The following CFAP97 variants were observed in gnomAD, a reference collection of about 807,000 sequenced individuals.
CFAP97 encodes the protein cilia- and flagella-associated protein 97.
A neutral mutation model predicts 43.1 loss-of-function variants in CFAP97; 36 were observed. The ratio of observed to expected loss-of-function variants is 0.84; its 90% CI spans 0.64 to 1.10. The LOEUF is 1.10. CFAP97 is among the 50% of genes least tolerant of loss of function. The pLI is 0.00. For synonymous variants in CFAP97, 228 were observed against 225.7 expected (o/e 1.01, Z -0.09); for missense variants, 657 against 620.3 (o/e 1.06, Z -0.63).
intron 4 of CFAP97, among the ~76,000 whole-genome samples, chr4:185,163,153 A>G (rs1734933221): frequency 1.3e-5 from 2 of 152,188 alleles, no homozygotes; most frequent in African/African-American, 4.8e-5. Flanking sequence ...AAACATTTTT[A>G]AAAGCTTCTC....
rs1734851109 is a variant in CFAP97, at chr4:185,160,882, A to C, written c.*1916T>G. Reference sequence around the variant, plus strand: ...TCTTTTTTAAAAGATTTTTAAAATAAAATTTATAAAAAAGATTTTTTATAT... The same window carrying C: ...TCTTTTTTAAAAGATTTTTAAAATACAATTTATAAAAAAGATTTTTTATAT... On this transcript the variant is annotated 3_prime_UTR_variant, in exon 5 of 5. Transcript: ENST00000458385. 1 of 146,998 alleles carries C rather than the reference A, an allele frequency of 6.8e-6. No individual in the cohort carries two copies. Among genetic ancestry groups the C allele is most frequent in the Non-Finnish European group, 1.5e-5 (1 of 66,530 alleles). 9.1% of individuals were successfully genotyped at this position (146,998 alleles called of 1,614,324 possible).
intron 1 of CFAP97, among the ~76,000 whole-genome samples, chr4:185,202,558 C>G (rs563001915): frequency 6.8e-6 from 1 of 147,258 alleles, no homozygotes; most frequent in Admixed American, 6.8e-5. Flanking sequence ...AAAAAACAAA[C>G]AAACAAAAAA....
rs78880987 is a variant in CFAP97 at position 185,179,445 on chromosome 4, T to C, written c.1055-3394A>G. The stretch of plus-strand genomic sequence containing the variant: ...AACCAATAGAGCATGAAAGAAATGA[T>C]GCTATGTGACTTTTGAGGCTAGGTC... On this transcript the variant is annotated intron_variant, in intron 2 of 4. Coordinates refer to ENST00000458385, the MANE Select transcript of CFAP97 (RefSeq NM_020827.3). 3.2e-3 allele frequency among the ~76,000 whole-genome samples: 494 copies of C among 152,304 alleles called. 3 individuals are homozygous for C. Among genetic ancestry groups the C allele is most frequent in the African/African-American group, 0.012 (483 of 41,550 alleles).
At chr4:185,166,083 A>G (rs2111316363) in intron 3 of CFAP97, among the ~76,000 whole-genome samples, 1 of 152,142 alleles carries the variant, frequency 6.6e-6, no homozygotes, top group South Asian at 2.1e-4. Flanking sequence ...GCCCCTTCCT[A>G]ATTTTTGGCC....
chr4:185,166,258 T>C (rs74769949), intron 3 of CFAP97, among the ~76,000 whole-genome samples: 3,968 of 152,282 alleles, frequency 0.026, 147 homozygotes, highest in African/African-American at 0.09. Context: ...AGCAGTGTGA[T>C]GTAGGTGTCC....
At chr4:185,210,247 C>A, upstream of CFAP97, 3 of 984,952 alleles carry the variant, frequency 3.0e-6, no homozygotes, top group Non-Finnish European at 3.6e-6. The surrounding 1 kb of genome is among the most constrained non-coding windows in gnomAD (Gnocchi z 4.4). Context: ...CGCCCGCCGC[C>A]CGCCGGGGGT....
At chr4:185,172,570 G>A (rs1328889258) in intron 3 of CFAP97, among the ~76,000 whole-genome samples, 1 of 152,122 alleles carries the variant, frequency 6.6e-6, no homozygotes, top group African/African-American at 2.4e-5. Context: ...TGGAGAGAGA[G>A]CAAATGAAAG....
intron 1 of CFAP97, among the ~76,000 whole-genome samples, chr4:185,198,165 G>A (rs781408748): frequency 2.0e-5 from 3 of 152,154 alleles, no homozygotes; most frequent in South Asian, 2.1e-4. Flanking sequence ...CTGCTCAGCC[G>A]GGTGTGGTGG....
At chr4:185,173,289 G>A (rs1735381792) in intron 3 of CFAP97, among the ~76,000 whole-genome samples, 1 of 151,646 alleles carries the variant, frequency 6.6e-6, no homozygotes, top group South Asian at 2.1e-4. Context: ...CTTGAACCTG[G>A]GAGGCAGAGG....
chr4:185,176,580 A>ATTT (rs1735552946), intron 2 of CFAP97, among the ~76,000 whole-genome samples: 1 of 152,246 alleles, frequency 6.6e-6, no homozygotes, highest in Admixed American at 6.5e-5. Flanking sequence ...ACACGAAACA[A>ATTT]TGAAAGTATC....
At position 185,190,797 on chromosome 4, in the gene CFAP97, CT is replaced by C; in HGVS notation, c.399del (p.Asp134MetfsTer14). ...IVKEGEDDYY[T>X]DGEESSDDGK... ...CCATCATCACTGCTTTCCTCTCCAT[CT>C]GTGTAGTAATCATCTTCACCTTCTT... On this transcript the variant is annotated frameshift_variant, in exon 2 of 5. Transcript: ENST00000458385. LOFTEE classifies it high-confidence loss of function. The C allele has an allele frequency of 6.2e-7, 1 of 1,607,140 alleles. No homozygotes were observed. Among genetic ancestry groups the C allele is most frequent in the Non-Finnish European group, 8.5e-7 (1 of 1,176,164 alleles).
Position 185,160,428 on chromosome 4 carries a change from T to C in CFAP97, c.*2370A>G, listed in dbSNP as rs1278282228. Reference sequence around the variant, plus strand: ...CCTTTACTTTTTCATGTCCTTGAAATGAGAAGAGTAATGTACTTAAGTAAT... The same window carrying C: ...CCTTTACTTTTTCATGTCCTTGAAACGAGAAGAGTAATGTACTTAAGTAAT... On this transcript the variant is annotated 3_prime_UTR_variant, in exon 5 of 5. Coordinates refer to ENST00000458385, the MANE Select transcript of CFAP97 (RefSeq NM_020827.3). 6.8e-6 allele frequency: 1 copy of C among 147,224 alleles called. No homozygotes were observed. The highest frequency in any genetic ancestry group is 1.5e-5 in the Non-Finnish European group (1 of 66,706). 9.1% of individuals were successfully genotyped at this position (147,224 alleles called of 1,614,324 possible). A position where few individuals can be genotyped will look rare whatever the true frequency, so the allele number is the denominator to read the frequency against.
At position 185,162,025 on chromosome 4, in the gene CFAP97, T is replaced by C. The variant is rs1181858729; in HGVS notation, c.*773A>G. The C allele has an allele frequency of 1.3e-5, 2 of 152,252 alleles. No homozygotes were observed. The highest frequency in any genetic ancestry group is 4.8e-5 in the African/African-American group (2 of 41,468). The allele number at this position is 152,252 out of a possible 1,614,324, so 9.4% of individuals were successfully genotyped here. On this transcript the variant is annotated 3_prime_UTR_variant, in exon 5 of 5. Coordinates refer to ENST00000458385, the MANE Select transcript of CFAP97 (RefSeq NM_020827.3). ...TTTGCAACTGATGTGGTCCTTAAAC[T>C]ATTCACGAGTTAGAAGACTAGCTCT...
At chr4:185,184,237 C>T (rs554879008) in intron 2 of CFAP97, among the ~76,000 whole-genome samples, 50 of 152,254 alleles carry the variant, frequency 3.3e-4, no homozygotes, top group African/African-American at 1.1e-3. Flanking sequence ...CTGGGTTAAC[C>T]GTATGCATAC....
intron 1 of CFAP97, among the ~76,000 whole-genome samples, chr4:185,199,153 A>G (rs1736700796): frequency 6.6e-6 from 1 of 152,086 alleles, no homozygotes; most frequent in Admixed American, 6.6e-5. Flanking sequence ...CGGGCGGATC[A>G]CTTGAGGCCA....
upstream of CFAP97, chr4:185,207,759 T>C (rs1737251657): frequency 1.3e-5 from 2 of 152,198 alleles, no homozygotes; most frequent in South Asian, 4.1e-4. Context: ...TTCCCCGCTG[T>C]GTAGATGGAG....
chr4:185,198,442 TAA>T (rs1413103207), intron 1 of CFAP97, among the ~76,000 whole-genome samples: 6 of 101,022 alleles, frequency 5.9e-5, no homozygotes, highest in Non-Finnish European at 6.3e-5. Context: ...GACTCTGTCT[TAA>T]AAAAAAAAAA....
rs745733233 is a variant in CFAP97, at chr4:185,190,731, T to G, written c.466A>C (p.Thr156Pro). Residue 156 changes from threonine (T) to proline (P), a missense_variant, in exon 2 of 5, where the codon ACT becomes CCT. Physicochemically the swap from Thr to Pro is conservative, Grantham distance 38. Coordinates refer to ENST00000458385, the MANE Select transcript of CFAP97 (RefSeq NM_020827.3). ...HVKSKSAKPS[T>P]NVKKSIRKKY... ...TTCCTTATGCTTTTTTTAACGTTAG[T>G]AGATGGTTTAGCGGACTTGGACTTC... 5 of 1,579,882 alleles carry G rather than the reference T, an allele frequency of 3.2e-6. No individual in the cohort carries two copies. The highest frequency in any genetic ancestry group is 3.8e-5 in the Admixed American group (2 of 53,298).
At position 185,162,243 on chromosome 4, in the gene CFAP97, C is replaced by T. The variant is rs1295575858; in HGVS notation, c.*555G>A. 6.5e-6 allele frequency: 1 copy of T among 152,868 alleles called. No individual in the cohort carries two copies. The highest frequency in any genetic ancestry group is 2.4e-5 in the African/African-American group (1 of 41,444). 9.5% of individuals were successfully genotyped at this position (152,868 alleles called of 1,614,324 possible). ...TACCTCTGGTGAATTACAAGAATTG[C>T]TCCAATAGAAGCGTCTCTCAATCTG... On this transcript the variant is annotated 3_prime_UTR_variant, in exon 5 of 5. Coordinates refer to ENST00000458385, the MANE Select transcript of CFAP97 (RefSeq NM_020827.3).
Sources: allele counts gnomAD v4.1 joint callset (sites outside exome capture counted in the v4.1 genomes callset), GRCh38; gene constraint gnomAD v4.1.1; non-coding constraint Gnocchi (gnomAD v3.1); transcripts MANE v1.5; gene names NCBI Gene and HGNC (gene_info 2026-07-23, HGNC 2026-07-21).